The following HLCS variants were observed in gnomAD, a reference collection of about 807,000 sequenced individuals.
HLCS encodes the protein holocarboxylase synthetase.
A neutral mutation model predicts 75.0 loss-of-function variants in HLCS; 53 were observed. That is an observed-to-expected ratio of 0.71 (90% CI 0.57 to 0.89). The LOEUF (loss-of-function observed/expected upper bound fraction) is 0.89, where lower values mean the gene tolerates loss of function less well. Among genes scored for constraint, HLCS ranks in the 40% least tolerant of loss-of-function variants. The pLI, the probability that HLCS is intolerant of heterozygous loss-of-function variation, is 0.00. For synonymous variants in HLCS, 431 were observed against 428.6 expected (o/e 1.01, Z -0.07); for missense variants, 966 against 1,074.0 (o/e 0.90, Z 1.41).
chr21:36,925,878 A>G (rs890890782), intron 5 of HLCS, among the ~76,000 whole-genome samples: 1 of 152,192 alleles, frequency 6.6e-6, no homozygotes, highest in Non-Finnish European at 1.5e-5. Context: ...GATAGAAAAT[A>G]AAATCTATTA....
intron 6 of HLCS, among the ~76,000 whole-genome samples, chr21:36,841,683 C>T (rs937986515): frequency 1.3e-5 from 2 of 152,230 alleles, no homozygotes; most frequent in African/African-American, 2.4e-5. Flanking sequence ...ATGCAACGTA[C>T]GATTCTTGTG....
intron 6 of HLCS, among the ~76,000 whole-genome samples, chr21:36,866,868 C>T (rs551509752): frequency 2.4e-4 from 36 of 148,884 alleles, no homozygotes; most frequent in Non-Finnish European, 4.7e-4. Flanking sequence ...AAAGGTTCTG[C>T]TCTACTGAAT....
chr21:36,946,657 G>A (rs2835542), intron 2 of HLCS, among the ~76,000 whole-genome samples: 2 of 151,954 alleles, frequency 1.3e-5, no homozygotes, highest in African/African-American at 2.4e-5. Context: ...GAAACATTGC[G>A]TTTGAGGGGA....
At chr21:36,782,508 C>A (rs2060564629) in intron 6 of HLCS, among the ~76,000 whole-genome samples, 2 of 152,146 alleles carry the variant, frequency 1.3e-5, no homozygotes, top group Non-Finnish European at 2.9e-5. Flanking sequence ...GAGACCTGAC[C>A]TCCTTAAGAG....
chr21:36,963,454 T>C (rs2068412102), intron 1 of HLCS, among the ~76,000 whole-genome samples: 1 of 152,206 alleles, frequency 6.6e-6, no homozygotes, highest in Non-Finnish European at 1.5e-5. Context: ...ATTATCAATA[T>C]AGTGGTTAAA....
intron 2 of HLCS, chr21:36,947,846 C>A: frequency 1.0e-6 from 1 of 985,456 alleles, no homozygotes; most frequent in South Asian, 4.7e-5. Flanking sequence ...ATCTCAACAA[C>A]CCACTGGTAC....
At chr21:36,844,624 T>A (rs1183683328) in intron 6 of HLCS, among the ~76,000 whole-genome samples, 1 of 152,024 alleles carries the variant, frequency 6.6e-6, no homozygotes, top group Non-Finnish European at 1.5e-5. Context: ...TGTGTGAACA[T>A]CTTTGTCACT....
At chr21:36,972,288 G>A (rs2068812826) in intron 1 of HLCS, 1 of 152,164 alleles carries the variant, frequency 6.6e-6, no homozygotes, top group Non-Finnish European at 1.5e-5. Flanking sequence ...GAGGCTAAGA[G>A]ATCATCTTCC....
intron 6 of HLCS, among the ~76,000 whole-genome samples, 198 bp from the exon 7 acceptor site, chr21:36,767,483 A>C (rs1170819636): frequency 6.6e-6 from 1 of 152,184 alleles, no homozygotes; most frequent in East Asian, 1.9e-4. Context: ...CGTGAGAATG[A>C]AAGAGATGAA....
chr21:36,833,901 A>T (rs963197943), intron 6 of HLCS, among the ~76,000 whole-genome samples: 2 of 152,212 alleles, frequency 1.3e-5, no homozygotes, highest in Admixed American at 6.5e-5. Flanking sequence ...TCCTTTACAC[A>T]ACTGCCCGGA....
chr21:36,925,026 G>GT (rs1237122256), intron 5 of HLCS, among the ~76,000 whole-genome samples: 2 of 152,024 alleles, frequency 1.3e-5, no homozygotes, highest in Non-Finnish European at 2.9e-5. Flanking sequence ...GCCTGTACCC[G>GT]TTTTTTGATA....
At chr21:36,857,586 C>A (rs1198098719) in intron 6 of HLCS, among the ~76,000 whole-genome samples, 2 of 152,150 alleles carry the variant, frequency 1.3e-5, no homozygotes, top group East Asian at 3.9e-4. Flanking sequence ...CATCGATCCT[C>A]CTTTGTTCAC....
At chr21:36,955,071 C>T (rs984720035) in intron 2 of HLCS, among the ~76,000 whole-genome samples, 4 of 152,080 alleles carry the variant, frequency 2.6e-5, no homozygotes, top group African/African-American at 9.7e-5. Flanking sequence ...AAAAAAAACC[C>T]AACAAAACAG....
chr21:36,927,580 C>T (rs945516960), intron 5 of HLCS, among the ~76,000 whole-genome samples: 2 of 152,194 alleles, frequency 1.3e-5, no homozygotes, highest in African/African-American at 4.8e-5. Context: ...ATATCCCATA[C>T]TATAATAGTA....
intron 6 of HLCS, among the ~76,000 whole-genome samples, chr21:36,825,583 G>A (rs1270906952): frequency 6.6e-6 from 1 of 152,028 alleles, no homozygotes. Flanking sequence ...TAAAATGCAG[G>A]AGGTGGGTCT....
chr21:36,960,143 C>CG (rs1348601237), intron 2 of HLCS, among the ~76,000 whole-genome samples: 2 of 121,292 alleles, frequency 1.6e-5, no homozygotes, highest in East Asian at 3.1e-4. Context: ...CCCCCCCCCC[C>CG]CCGACCCTGC....
At chr21:36,837,047 G>A (rs569172985) in intron 6 of HLCS, among the ~76,000 whole-genome samples, 1 of 152,178 alleles carries the variant, frequency 6.6e-6, no homozygotes, top group Non-Finnish European at 1.5e-5. Flanking sequence ...GCCAGGCGTG[G>A]TGGCATGTGC....
intron 6 of HLCS, among the ~76,000 whole-genome samples, chr21:36,793,579 T>G (rs1357206712): frequency 6.6e-6 from 1 of 152,022 alleles, no homozygotes; most frequent in African/African-American, 2.4e-5. Context: ...GGGTTACAGG[T>G]GTGAGCCACC....
At chr21:36,965,731 A>T (rs1430679563) in intron 1 of HLCS, among the ~76,000 whole-genome samples, 3 of 141,990 alleles carry the variant, frequency 2.1e-5, no homozygotes, top group Non-Finnish European at 3.0e-5. Flanking sequence ...TTTGTTTGGG[A>T]TTTTTTTTTT....
Sources: gnomAD v4.1 joint callset for allele counts (sites outside exome capture counted in the v4.1 genomes callset) on GRCh38, gnomAD v4.1.1 for gene constraint, MANE v1.5 for transcripts, NCBI Gene and HGNC (gene_info 2026-07-23, HGNC 2026-07-21) for gene names.